Variants in ICAM1 observed in about 807,000 individuals in gnomAD.
The protein encoded by ICAM1 is ICAM-1.
ICAM1 carries 28 observed loss-of-function variants against 42.3 expected under a neutral mutation model. That is an observed-to-expected ratio of 0.66 (90% CI 0.49 to 0.91). ICAM1 has a LOEUF of 0.91. Among genes scored for constraint, ICAM1 ranks in the 40% least tolerant of loss-of-function variants. The probability of loss-of-function intolerance (pLI) is 0.00; values close to 1 mark genes in which losing one functional copy is unlikely to be tolerated. For synonymous variants in ICAM1, 304 were observed against 305.9 expected (o/e 0.99, Z 0.07); for missense variants, 637 against 688.6 (o/e 0.93, Z 0.84).
intron 2 of ICAM1, among the ~76,000 whole-genome samples, chr19:10,280,868 C>CTTTTTTT (rs869262659): frequency 1.4e-5 from 1 of 70,094 alleles, no homozygotes; most frequent in African/African-American, 6.0e-5. Context: ...CGTGCCCGGC[C>CTTTTTTT]TTTTTTTTTT....
Position 10,286,387 on chromosome 19 carries a change from C to T in ICAM1, c.*1100C>T, listed in dbSNP as rs1292351947. 1 of 152,420 alleles carries T rather than the reference C, an allele frequency of 6.6e-6. No individual in the cohort carries two copies. Among genetic ancestry groups the T allele is most frequent in the Non-Finnish European group, 1.5e-5 (1 of 68,248 alleles). The allele number at this position is 152,420 out of a possible 1,614,324, so 9.4% of individuals were successfully genotyped here. ...GTGTGTGTGTGTATGTGTAGACAAGCTCTCGCTCTGTCACCCAGGCTGGAG... is the reference window on the plus strand; with the variant it reads ...GTGTGTGTGTGTATGTGTAGACAAGTTCTCGCTCTGTCACCCAGGCTGGAG... On this transcript the variant is annotated 3_prime_UTR_variant, in exon 7 of 7. Coordinates refer to ENST00000264832, the MANE Select transcript of ICAM1 (RefSeq NM_000201.3).
chr19:10,276,080 G>C (rs576935620), intron 2 of ICAM1, among the ~76,000 whole-genome samples: 27 of 151,856 alleles, frequency 1.8e-4, no homozygotes, highest in African/African-American at 6.0e-4. Flanking sequence ...TGTAATCCCA[G>C]CTGCTCCTGA....
Position 10,284,640 on chromosome 19 carries a change from G to A in ICAM1, c.1163G>A (p.Arg388Gln), listed in dbSNP as rs770432918. 3.7e-5 allele frequency: 60 copies of A among 1,613,946 alleles called. No individual in the cohort carries two copies. The highest frequency in any genetic ancestry group is 6.7e-5 in the Admixed American group (4 of 59,986). ...AGQLIHKNQTRELRVLYGPRL... is the reference protein window; with the variant it reads ...AGQLIHKNQTQELRVLYGPRL... ...CAGCTTATACACAAGAACCAGACCCGGGAGCTTCGTGTCCTGTGTGAGTGG... is the reference window on the plus strand; with the variant it reads ...CAGCTTATACACAAGAACCAGACCCAGGAGCTTCGTGTCCTGTGTGAGTGG... The change falls in exon 5 of 7, where the codon CGG becomes CAG. Residue 388 changes from arginine to glutamine, a missense_variant. Coordinates refer to ENST00000264832, the MANE Select transcript of ICAM1 (RefSeq NM_000201.3). The surrounding 1 kb of genome is among the most constrained non-coding windows in gnomAD (Gnocchi z 5.4).
rs748533448 is a variant in ICAM1, at chr19:10,283,795, TGAA to T, written c.637+14_637+16del. ...CCAGCTCCAGACCTTTGGTGAGGATTGAAGAAGCCAGCAGGGAGAAGGTGGGGG... is the reference window on the plus strand; with the variant it reads ...CCAGCTCCAGACCTTTGGTGAGGATTGAAGCCAGCAGGGAGAAGGTGGGGG... On this transcript the variant is annotated intron_variant, in intron 3 of 6. Transcript: ENST00000264832. The T allele has an allele frequency of 1.8e-5, 28 of 1,586,488 alleles. No individual in the cohort carries two copies. In the Admixed American group the frequency reaches 4.9e-4, roughly 28 times the overall value.
chr19:10,275,127 G>A (rs559818365), intron 2 of ICAM1, 99 bp downstream of exon 2: 23 of 1,281,642 alleles, frequency 1.8e-5, no homozygotes, highest in Admixed American at 1.2e-4. Flanking sequence ...CCACTTGCTC[G>A]TAGGGTCAAG....
rs757898845 is a variant in ICAM1, at chr19:10,271,216, T to C, written c.57T>C (p.Ala19=). 2.5e-6 allele frequency: 4 copies of C among 1,613,200 alleles called. No homozygotes were observed. The highest frequency in any genetic ancestry group is 3.4e-6 in the Non-Finnish European group (4 of 1,179,764). The change falls in exon 1 of 7, where the codon GCT becomes GCC. Residue 19 remains alanine (A), a synonymous_variant. Transcript: ENST00000264832. ...CCGCACTCCTGGTCCTGCTCGGGGC[T>C]CTGTTCCCAGGTGAGTCGGGGTGGG... The part of the protein sequence containing the change: ...ALPALLVLLG[A]LFPGPGNAQT...
At chr19:10,273,130 G>A (rs760819217) in intron 1 of ICAM1, among the ~76,000 whole-genome samples, 3 of 152,102 alleles carry the variant, frequency 2.0e-5, no homozygotes, top group African/African-American at 7.2e-5. Context: ...AGGCTTAGGC[G>A]GGAGGATCAC....
At chr19:10,272,560 CTTTTTTTTT>C (rs1174775027) in intron 1 of ICAM1, among the ~76,000 whole-genome samples, 17 of 56,124 alleles carry the variant, frequency 3.0e-4, no homozygotes, top group African/African-American at 9.4e-4. Flanking sequence ...CTTTTCTTTT[CTTTTTTTTT>C]TTTTTTTTTT....
At chr19:10,272,239 T>C (rs1378141564) in intron 1 of ICAM1, among the ~76,000 whole-genome samples, 2 of 152,144 alleles carry the variant, frequency 1.3e-5, no homozygotes, top group African/African-American at 2.4e-5. Flanking sequence ...GAACCAAGAT[T>C]GTGCCACTGC....
intron 2 of ICAM1, among the ~76,000 whole-genome samples, chr19:10,275,986 G>T (rs1186936842): frequency 9.3e-5 from 14 of 151,144 alleles, no homozygotes; most frequent in Admixed American, 8.6e-4. Context: ...GGGATTACAG[G>T]TGTAAGCCAC....
intron 2 of ICAM1, among the ~76,000 whole-genome samples, chr19:10,275,592 G>C (rs1230711557): frequency 6.6e-6 from 1 of 152,112 alleles, no homozygotes; most frequent in Non-Finnish European, 1.5e-5. Context: ...ATTAAGCCAA[G>C]TGTGGTGGCT....
intron 2 of ICAM1, among the ~76,000 whole-genome samples, chr19:10,276,439 G>A (rs942878608): frequency 3.3e-5 from 5 of 151,522 alleles, no homozygotes; most frequent in African/African-American, 2.4e-5. Flanking sequence ...CAGCTACTCA[G>A]GAGGCTGAGG....
At chr19:10,281,710 C>G (rs542536449) in intron 2 of ICAM1, among the ~76,000 whole-genome samples, 7 of 148,066 alleles carry the variant, frequency 4.7e-5, no homozygotes, top group South Asian at 2.1e-4. Flanking sequence ...AGGACCCCCC[C>G]GGTCCTGATG....
chr19:10,276,361 T>C (rs184936634), intron 2 of ICAM1, among the ~76,000 whole-genome samples: 57 of 149,518 alleles, frequency 3.8e-4, no homozygotes, highest in African/African-American at 7.4e-4. Flanking sequence ...CTGGCTAACA[T>C]GGTGAAACCC....
At chr19:10,272,753 G>T (rs2145487666) in intron 1 of ICAM1, among the ~76,000 whole-genome samples, 1 of 151,634 alleles carries the variant, frequency 6.6e-6, no homozygotes, top group South Asian at 2.1e-4. Context: ...AGCCAGGATG[G>T]TCTCGATTTC....
Position 10,284,808 on chromosome 19 carries a change from T to A in ICAM1, c.1206T>A (p.Asp402Glu), listed in dbSNP as rs2040090462. ...VLYGPRLDER[D>E]CPGNWTWPEN... ...ATGGCCCCCGACTGGACGAGAGGGA[T>A]TGTCCGGGAAACTGGACGTGGCCAG... is the stretch of plus-strand genomic sequence containing the variant. The change falls in exon 6 of 7, where the codon GAT becomes GAA. Residue 402 changes from aspartate to glutamate, a missense_variant. Coordinates refer to ENST00000264832, the MANE Select transcript of ICAM1 (RefSeq NM_000201.3). The surrounding 1 kb of genome is among the most constrained non-coding windows in gnomAD (Gnocchi z 5.4). The A allele has an allele frequency of 1.9e-6, 3 of 1,603,424 alleles. No individual in the cohort carries two copies. Among genetic ancestry groups the A allele is most frequent in the Non-Finnish European group, 2.5e-6 (3 of 1,177,308 alleles).
chr19:10,278,611 G>A (rs1451707423), intron 2 of ICAM1, among the ~76,000 whole-genome samples: 1 of 127,828 alleles, frequency 7.8e-6, no homozygotes, highest in East Asian at 2.3e-4. Flanking sequence ...CGCCCAGGCT[G>A]GATCACTGCA....
chr19:10,282,550 C>CT (rs1568294604), intron 2 of ICAM1, among the ~76,000 whole-genome samples: 1 of 151,900 alleles, frequency 6.6e-6, no homozygotes, highest in Non-Finnish European at 1.5e-5. Context: ...CCCTGCCAAC[C>CT]TTTTTTTAAT....
chr19:10,274,758 C>A lies in ICAM1; in HGVS notation c.68-7C>A. On this transcript the variant is annotated splice_polypyrimidine_tract_variant and splice_region_variant and intron_variant, in intron 1 of 6. Coordinates refer to ENST00000264832, the MANE Select transcript of ICAM1 (RefSeq NM_000201.3). Reference sequence around the variant, plus strand: ...ATGCCTGTCGCCTCTTCCCTCGTTTCTTCTAGGACCTGGCAATGCCCAGAC... The same window carrying A: ...ATGCCTGTCGCCTCTTCCCTCGTTTATTCTAGGACCTGGCAATGCCCAGAC... The A allele has an allele frequency of 1.2e-6, 2 of 1,611,448 alleles. No homozygotes were observed. The highest frequency in any genetic ancestry group is 1.7e-6 in the Non-Finnish European group (2 of 1,178,084).
Sources: gnomAD v4.1 joint callset for allele counts (sites outside exome capture counted in the v4.1 genomes callset) on GRCh38, gnomAD v4.1.1 for gene constraint, Gnocchi (gnomAD v3.1) non-coding constraint, MANE v1.5 for transcripts, NCBI Gene and HGNC (gene_info 2026-07-23, HGNC 2026-07-21) for gene names.